POLDIP2: variants seen among roughly 807,000 people sequenced by gnomAD.
The protein encoded by POLDIP2 is polymerase delta-interacting protein 2.
In POLDIP2, 32 loss-of-function variants were observed where a neutral mutation model predicts 52.9. The ratio of observed to expected loss-of-function variants is 0.61; its 90% CI spans 0.46 to 0.81. The LOEUF (loss-of-function observed/expected upper bound fraction) is 0.81. POLDIP2 is among the 40% of genes least tolerant of loss of function. The pLI is 0.00. For synonymous variants in POLDIP2, 183 were observed against 183.0 expected (o/e 1.00, Z 0.00); for missense variants, 371 against 477.3 (o/e 0.78, Z 2.07).
intron 1 of POLDIP2, 106 bp from the exon 2 acceptor site, chr17:28,355,982 A>T: frequency 1.2e-6 from 1 of 820,356 alleles, no homozygotes; most frequent in Non-Finnish European, 2.0e-6. Context: ...CGATGACAGC[A>T]GAGAAGGGTT....
At chr17:28,353,915 C>G in intron 3 of POLDIP2, 124 bp from the exon 4 acceptor site, 1 of 691,256 alleles carries the variant, frequency 1.4e-6, no homozygotes, top group Non-Finnish European at 2.7e-6. Context: ...TTAGCACCAG[C>G]TGGACACCTG....
intron 4 of POLDIP2, among the ~76,000 whole-genome samples, 175 bp downstream of exon 4, chr17:28,353,520 C>CAAAAAAAAAAAAAAAAAAAAAAAAA (rs71135829): frequency 0.077 from 4,112 of 53,624 alleles, 876 homozygotes; most frequent in East Asian, 0.18. Context: ...GACTCCATAT[C>CAAAAAAAAAAAAAAAAAAAAAAAAA]AAAAAAAAAA....
chr17:28,349,347 G>GC (rs11454480), intron 9 of POLDIP2, among the ~76,000 whole-genome samples, 185 bp from the exon 10 acceptor site: 152,123 of 152,124 alleles, frequency 1, 76,061 homozygotes, highest in Non-Finnish European at 1. Flanking sequence ...TGGCCATTTG[G>GC]CTGGGCCTTT....
Position 28,357,198 on chromosome 17 carries a change from A to T in POLDIP2, c.161+90T>A, listed in dbSNP as rs550150787. The T allele has an allele frequency of 6.6e-6, 8 of 1,211,274 alleles. No individual in the cohort carries two copies. In the South Asian group the frequency reaches 1.2e-4, roughly 18 times the overall value. 75.0% of individuals were successfully genotyped at this position (1,211,274 alleles called of 1,614,324 possible). A position where few individuals can be genotyped will look rare whatever the true frequency, so the allele number is the denominator to read the frequency against. The stretch of plus-strand genomic sequence containing the variant: ...GGGTCAAACTCCAGTCACCCTCAGC[A>T]GGCCCGGGCCCCTGGCCTCCGCACT... On this transcript the variant is annotated intron_variant, in intron 1 of 10. Transcript: ENST00000540200.
rs1555581183 is a variant in POLDIP2, at chr17:28,357,374, C to G, written c.75G>C (p.Arg25=). The change falls in exon 1 of 11, where the codon CGG becomes CGC. Residue 25 remains arginine (R), a synonymous_variant. Transcript: ENST00000540200. ...RWWSRSLTGA[R]WPRPLCAAAG... is the part of the protein sequence containing the mutation. ...CCGCCGCACAGAGCGGCCTTGGCCA[C>G]CGGGCCCCAGTCAGCGACCGGGACC... 1.3e-6 allele frequency: 2 copies of G among 1,547,994 alleles called. No individual in the cohort carries two copies. The highest frequency in any genetic ancestry group is 1.7e-6 in the Non-Finnish European group (2 of 1,158,586).
At chr17:28,354,671 G>GTTGCCTCCACCTGT in intron 2 of POLDIP2, 86 bp from the exon 3 acceptor site, 1 of 812,080 alleles carries the variant, frequency 1.2e-6, no homozygotes, top group Non-Finnish European at 2.1e-6. Flanking sequence ...CACAGGTGGA[G>GTTGCCTCCACCTGT]GCAACTCCAG....
At chr17:28,348,886 C>T (rs1555579390) in intron 10 of POLDIP2, among the ~76,000 whole-genome samples, 197 bp downstream of exon 10, 1 of 152,190 alleles carries the variant, frequency 6.6e-6, no homozygotes, top group East Asian at 1.9e-4. Context: ...GTCCTCAGTC[C>T]ACAAATCACA....
At chr17:28,348,810 C>G (rs1275041784) in intron 10 of POLDIP2, among the ~76,000 whole-genome samples, 1 of 152,164 alleles carries the variant, frequency 6.6e-6, no homozygotes, top group African/African-American at 2.4e-5. Flanking sequence ...AGTGAAACAC[C>G]AAGGGAAAAA....
chr17:28,350,350 G>C lies in POLDIP2; in HGVS notation c.912+88C>G, dbSNP rs188810172. On this transcript the variant is annotated intron_variant, in intron 9 of 10. Transcript: ENST00000540200. Reference sequence around the variant, plus strand: ...CAATGTATTCACAAAGTGAGCCTCTGTCTATAACAACAAAGGAGAAGGAAG... The same window carrying C: ...CAATGTATTCACAAAGTGAGCCTCTCTCTATAACAACAAAGGAGAAGGAAG... 11 of 1,199,700 alleles carry C rather than the reference G, an allele frequency of 9.2e-6. No individual in the cohort carries two copies. In the African/African-American group the frequency reaches 1.5e-4, roughly 17 times the overall value. 74.3% of individuals were successfully genotyped at this position (1,199,700 alleles called of 1,614,324 possible). A position where few individuals can be genotyped will look rare whatever the true frequency, so the allele number is the denominator to read the frequency against.
intron 5 of POLDIP2, 28 bp downstream of exon 5, chr17:28,353,213 G>T (rs139398241): frequency 8.6e-7 from 1 of 1,165,742 alleles, no homozygotes; most frequent in Non-Finnish European, 1.3e-6. Context: ...CCTTCTTGAC[G>T]GGCACCATTC....
rs782638786 is a variant in POLDIP2, at chr17:28,357,282, C to T, written c.161+6G>A. On this transcript the variant is annotated splice_donor_region_variant and intron_variant, in intron 1 of 10. Transcript: ENST00000540200. ...GTTCCTCGCGCCCCCTGGCTCCGTC[C>T]CTCACCGGGACGAGAGGTGCCTCCG... 1.0e-5 allele frequency: 16 copies of T among 1,568,024 alleles called. No individual in the cohort carries two copies. The African/African-American group carries it at 2.1e-4, about 21-fold the overall frequency.
Position 28,357,489 on chromosome 17 carries a change from G to A in POLDIP2, c.-41C>T, listed in dbSNP as rs1005999349. 3.8e-5 allele frequency: 54 copies of A among 1,432,538 alleles called. No homozygotes were observed. Among genetic ancestry groups the A allele is most frequent in the East Asian group, 2.6e-4 (10 of 37,914 alleles). The allele number at this position is 1,432,538 out of a possible 1,614,324, so 88.7% of individuals were successfully genotyped here. ...CCGCCCGGCTGCTGACACAGAGCCC[G>A]ACCCGCGGCCGGGCGGCGTTCCGCC... is the stretch of plus-strand genomic sequence containing the variant. On this transcript the variant is annotated 5_prime_UTR_variant, in exon 1 of 11. Transcript: ENST00000540200.
intron 2 of POLDIP2, 86 bp from the exon 3 acceptor site, chr17:28,354,671 G>C: frequency 2.5e-6 from 2 of 812,080 alleles, no homozygotes; most frequent in South Asian, 1.5e-5. Context: ...CACAGGTGGA[G>C]GCAACTCCAG....
At chr17:28,356,486 T>C (rs1555580949) in intron 1 of POLDIP2, among the ~76,000 whole-genome samples, 1 of 152,158 alleles carries the variant, frequency 6.6e-6, no homozygotes, top group Non-Finnish European at 1.5e-5. Flanking sequence ...CCTGTAGCCC[T>C]TACATTGCCC....
chr17:28,348,979 A>T (rs1243180356), intron 10 of POLDIP2, 104 bp downstream of exon 10: 3 of 707,878 alleles, frequency 4.2e-6, no homozygotes, highest in East Asian at 5.7e-5. Flanking sequence ...CTAAGAATGT[A>T]ACTTGGCCCA....
At chr17:28,348,331 T>G in intron 10 of POLDIP2, 100 bp from the exon 11 acceptor site, 1 of 709,280 alleles carries the variant, frequency 1.4e-6, no homozygotes, top group Non-Finnish European at 2.5e-6. Context: ...AGAGGACATG[T>G]GAGCCTGAGC....
At chr17:28,355,278 A>C (rs1353163432) in intron 2 of POLDIP2, among the ~76,000 whole-genome samples, 2 of 152,262 alleles carry the variant, frequency 1.3e-5, no homozygotes, top group Non-Finnish European at 2.9e-5. Flanking sequence ...CATTAAGTGC[A>C]TTCAAATCCA....
chr17:28,353,448 G>C, intron 4 of POLDIP2, 132 bp from the exon 5 acceptor site: 2 of 609,028 alleles, frequency 3.3e-6, no homozygotes, highest in Non-Finnish European at 6.0e-6. Context: ...CTTGAACCCG[G>C]GAGGCAGAGG....
chr17:28,357,291 G>A lies in POLDIP2; in HGVS notation c.158C>T (p.Ser53Phe), dbSNP rs782342538. 3.2e-6 allele frequency: 5 copies of A among 1,573,054 alleles called. No individual in the cohort carries two copies. The South Asian group carries it at 5.6e-5, about 18-fold the overall frequency. ...STTTTRRHLS[S>F]RNRPEGKVLE... is the part of the protein sequence containing the mutation. The stretch of plus-strand genomic sequence containing the variant: ...GCCCCCTGGCTCCGTCCCTCACCGG[G>A]ACGAGAGGTGCCTCCGCGTCGTCGT... Residue 53 changes from serine (S) to phenylalanine (F), a missense_variant, in exon 1 of 11, where the codon TCC (serine) becomes TTC (phenylalanine). Transcript: ENST00000540200.
Sources: gnomAD v4.1 joint callset for allele counts (sites outside exome capture counted in the v4.1 genomes callset) on GRCh38, gnomAD v4.1.1 for gene constraint, MANE v1.5 for transcripts, NCBI Gene and HGNC (gene_info 2026-07-23, HGNC 2026-07-21) for gene names.